The following LOXHD1 variants were observed in gnomAD, a reference collection of about 807,000 sequenced individuals.
The protein encoded by LOXHD1 is lipoxygenase homology domain-containing protein 1.
LOXHD1 carries 205 observed loss-of-function variants against 248.2 expected under a neutral mutation model. The observed-to-expected ratio is 0.83, with a 90% confidence interval of 0.74 to 0.93. The LOEUF is 0.93. Among genes scored for constraint, LOXHD1 ranks in the 40% least tolerant of loss-of-function variants. The pLI is 0.00. For synonymous variants in LOXHD1, 1,113 were observed against 1,162.8 expected (o/e 0.96, Z 0.87); for missense variants, 2,930 against 2,971.6 (o/e 0.99, Z 0.33).
intron 4 of LOXHD1, 126 bp from the exon 5 acceptor site, chr18:46,618,416 C>A: frequency 1.5e-6 from 1 of 658,186 alleles, no homozygotes; most frequent in Non-Finnish European, 2.7e-6. Flanking sequence ...CCATTACTGT[C>A]AATAACAGAG....
intron 14 of LOXHD1, among the ~76,000 whole-genome samples, chr18:46,577,023 A>G (rs1357415676): frequency 1.3e-5 from 2 of 152,142 alleles, no homozygotes; most frequent in Non-Finnish European, 2.9e-5. Context: ...ACTCATCTCT[A>G]CATACAGAAC....
At chr18:46,588,100 G>A (rs762158801) in intron 12 of LOXHD1, among the ~76,000 whole-genome samples, 1 of 152,062 alleles carries the variant, frequency 6.6e-6, no homozygotes, top group African/African-American at 2.4e-5. Flanking sequence ...ACTGGTACCA[G>A]CTGGGAAAAC....
intron 2 of LOXHD1, among the ~76,000 whole-genome samples, chr18:46,643,081 T>G (rs1171326090): frequency 1.3e-5 from 2 of 152,216 alleles, no homozygotes; most frequent in Non-Finnish European, 2.9e-5. Context: ...AATAGACGGC[T>G]TTTAAGGTTC....
At chr18:46,627,178 A>G (rs2038754293) in intron 4 of LOXHD1, among the ~76,000 whole-genome samples, 1 of 152,232 alleles carries the variant, frequency 6.6e-6, no homozygotes, top group African/African-American at 2.4e-5. Flanking sequence ...AATTTATTAT[A>G]ACCTCAAGCT....
intron 4 of LOXHD1, among the ~76,000 whole-genome samples, chr18:46,634,036 G>T (rs2038861074): frequency 6.6e-6 from 1 of 152,218 alleles, no homozygotes; most frequent in South Asian, 2.1e-4. Context: ...AAACAGTATG[G>T]TGGTTACTCA....
At chr18:46,544,704 T>A in intron 23 of LOXHD1, 1 of 402,326 alleles carries the variant, frequency 2.5e-6, no homozygotes, top group Non-Finnish European at 5.2e-6. Context: ...AATGGTGGAG[T>A]GGAGGTTTGA....
chr18:46,654,237 A>G (rs2039150749), intron 1 of LOXHD1, among the ~76,000 whole-genome samples: 1 of 152,396 alleles, frequency 6.6e-6, no homozygotes, highest in South Asian at 2.1e-4. Context: ...TATGTTCTTT[A>G]TAAATCACCA....
chr18:46,542,082 C>G (rs2036584873), intron 24 of LOXHD1, 142 bp from the exon 25 acceptor site: 1 of 751,258 alleles, frequency 1.3e-6, no homozygotes, highest in Non-Finnish European at 2.1e-6. Flanking sequence ...TGCAGCATTG[C>G]TAAAGTGACT....
chr18:46,483,553 G>C (rs777653972), intron 40 of LOXHD1, 34 bp downstream of exon 40: 2 of 1,551,260 alleles, frequency 1.3e-6, no homozygotes, highest in Non-Finnish European at 1.7e-6. Flanking sequence ...TGCTGAGGGA[G>C]TGGCACTTCC....
intron 25 of LOXHD1, among the ~76,000 whole-genome samples, chr18:46,538,555 C>G (rs1401018110): frequency 6.6e-6 from 1 of 152,174 alleles, no homozygotes; most frequent in Non-Finnish European, 1.5e-5. Context: ...AACCCTCACC[C>G]CCTCAGACCA....
chr18:46,535,405 A>G (rs2036264581), intron 26 of LOXHD1, among the ~76,000 whole-genome samples: 3 of 151,904 alleles, frequency 2.0e-5, no homozygotes, highest in African/African-American at 7.3e-5. Context: ...GAAAAAAAAA[A>G]GCTGATACAT....
Position 46,534,238 on chromosome 18 carries a change from G to A in LOXHD1, c.4212+97C>T, listed in dbSNP as rs547744295. 3.2e-5 allele frequency: 25 copies of A among 771,316 alleles called. No individual in the cohort carries two copies. In the Admixed American group the frequency reaches 5.2e-4, roughly 16 times the overall value. The allele number at this position is 771,316 out of a possible 1,614,324, so 47.8% of individuals were successfully genotyped here. A position where few individuals can be genotyped will look rare whatever the true frequency, so the allele number is the denominator to read the frequency against. On this transcript the variant is annotated intron_variant, in intron 27 of 40. Coordinates refer to ENST00000642948, the MANE Select transcript of LOXHD1 (RefSeq NM_001384474.1). ...CATTATGAGATTTTTATCTCAATAA[G>A]GCTGATCTAGCCAGTAGGTCCTCAC...
rs183531840 is a variant in LOXHD1 at position 46,601,323 on chromosome 18, C to T, written c.1028G>A (p.Arg343His). The change falls in exon 8 of 41, where the codon CGC becomes CAC. Residue 343 changes from arginine to histidine, a missense_variant. By Grantham distance (29) the Arg-to-His change is conservative (BLOSUM62 0). Coordinates refer to ENST00000642948, the MANE Select transcript of LOXHD1 (RefSeq NM_001384474.1). ...FLEGGVFDRGRTDIFHIELAV... is the reference protein window; with the variant it reads ...FLEGGVFDRGHTDIFHIELAV... ...CAGCTCGATGTGGAAGATGTCCGTG[C>T]GGCCTCGGTCAAACACGCCGCCCTC... 2,126 of 1,551,656 alleles carry T rather than the reference C, an allele frequency of 1.4e-3. 27 individuals carry two copies. In the African/African-American group the frequency reaches 0.026, roughly 19 times the overall value.
At chr18:46,655,778 C>T (rs1833996140) in intron 1 of LOXHD1, among the ~76,000 whole-genome samples, 1 of 152,236 alleles carries the variant, frequency 6.6e-6, no homozygotes, top group African/African-American at 2.4e-5. Flanking sequence ...AGCAAGGCCC[C>T]ACCCTCACGG....
At chr18:46,655,072 T>C (rs529956563) in intron 1 of LOXHD1, among the ~76,000 whole-genome samples, 2 of 152,212 alleles carry the variant, frequency 1.3e-5, no homozygotes, top group Admixed American at 6.5e-5. Flanking sequence ...ATCATGAAGA[T>C]GAAATTAGTT....
At position 46,482,729 on chromosome 18, in the gene LOXHD1, G is replaced by A. The variant is rs111956902; in HGVS notation, c.6341+858C>T. ...TCTGCCTAGGTCCAGCCTGGCTGCC[G>A]CTTCTGTGCAGACAAGGGCTACCTT... is the stretch of plus-strand genomic sequence containing the variant. On this transcript the variant is annotated intron_variant, in intron 40 of 40. Coordinates refer to ENST00000642948, the MANE Select transcript of LOXHD1 (RefSeq NM_001384474.1). Among the ~76,000 whole-genome samples the A allele has an allele frequency of 6.9e-3, 1,050 of 152,334 alleles. 15 individuals are homozygous for A. Among genetic ancestry groups the A allele is most frequent in the African/African-American group, 0.023 (943 of 41,566 alleles).
intron 37 of LOXHD1, among the ~76,000 whole-genome samples, chr18:46,504,112 C>T (rs903861622): frequency 9.2e-5 from 14 of 151,900 alleles, no homozygotes; most frequent in African/African-American, 3.4e-4. Context: ...TTGTTTTTGA[C>T]TGTTTTGTTT....
chr18:46,502,179 A>G lies in LOXHD1; in HGVS notation c.5878+3659T>C, dbSNP rs371779594. ...AAACTATGGAGTAGGGAATTGACATACCACATCTTGGGATTTTACTTTTTG... is the reference window on the plus strand; with the variant it reads ...AAACTATGGAGTAGGGAATTGACATGCCACATCTTGGGATTTTACTTTTTG... On this transcript the variant is annotated intron_variant, in intron 37 of 40. Transcript: ENST00000642948. 1.0e-3 allele frequency among the ~76,000 whole-genome samples: 159 copies of G among 152,332 alleles called. 1 individual carries two copies. The highest frequency in any genetic ancestry group is 3.7e-3 in the African/African-American group (154 of 41,560).
intron 1 of LOXHD1, among the ~76,000 whole-genome samples, chr18:46,650,022 C>T (rs2039087887): frequency 6.6e-6 from 1 of 152,030 alleles, no homozygotes; most frequent in Non-Finnish European, 1.5e-5. Flanking sequence ...TGCTCTATAC[C>T]CATTTCCAGA....
Sources: allele counts gnomAD v4.1 joint callset (sites outside exome capture counted in the v4.1 genomes callset), GRCh38; gene constraint gnomAD v4.1.1; transcripts MANE v1.5; gene names NCBI Gene and HGNC (gene_info 2026-07-23, HGNC 2026-07-21).